CACNA1E: variants seen among roughly 807,000 people sequenced by gnomAD.
CACNA1E encodes the protein calcium voltage-gated channel subunit alpha1 E, also known as voltage-dependent R-type calcium channel subunit alpha-1E.
In CACNA1E, 40 loss-of-function variants were observed where a neutral mutation model predicts 259.2. That is an observed-to-expected ratio of 0.15 (90% CI 0.12 to 0.20). The LOEUF (loss-of-function observed/expected upper bound fraction) is 0.20. Ranked by LOEUF, CACNA1E falls within the 10% of genes least tolerant of loss-of-function variation. CACNA1E has a pLI of 1.00. For synonymous variants in CACNA1E, 1,104 were observed against 1,138.5 expected, an observed-to-expected ratio of 0.97 and a Z score of 0.61; for missense variants, 1,874 against 3,040.1, an observed-to-expected ratio of 0.62 and a Z score of 9.02.
chr1:181,755,412 C>T lies in CACNA1E; in HGVS notation c.3989+15C>T, dbSNP rs747095236. 3.5e-5 allele frequency: 56 copies of T among 1,609,552 alleles called. No individual in the cohort carries two copies. The highest frequency in any genetic ancestry group is 2.1e-4 in the South Asian group (19 of 90,622). On this transcript the variant is annotated intron_variant, in intron 28 of 47. Transcript: ENST00000367573. ...AAGGAGTGCATGTAAGTGCCACCAGCGCATTCCACTTGATTTTGCTGAAGC... is the reference window on the plus strand; with the variant it reads ...AAGGAGTGCATGTAAGTGCCACCAGTGCATTCCACTTGATTTTGCTGAAGC...
intron 1 of CACNA1E, among the ~76,000 whole-genome samples, chr1:181,493,246 G>C (rs1373983214): frequency 3.9e-5 from 6 of 152,186 alleles, no homozygotes; most frequent in Non-Finnish European, 7.4e-5. Context: ...GGGCTATCAG[G>C]AGTAGTGATT....
chr1:181,608,240 G>A (rs1343124407), intron 6 of CACNA1E, among the ~76,000 whole-genome samples: 1 of 152,156 alleles, frequency 6.6e-6, no homozygotes, highest in Non-Finnish European at 1.5e-5. Flanking sequence ...AGAATAACCA[G>A]TGTGGATGGG....
intron 41 of CACNA1E, 135 bp downstream of exon 41, chr1:181,784,903 A>C (rs539974544): frequency 1.9e-5 from 12 of 624,400 alleles, no homozygotes; most frequent in Non-Finnish European, 3.1e-5. Flanking sequence ...AAAGGGACTT[A>C]AGGATAAAAC....
At chr1:181,526,968 T>G (rs1447013320) in intron 3 of CACNA1E, among the ~76,000 whole-genome samples, 1 of 152,240 alleles carries the variant, frequency 6.6e-6, no homozygotes, top group Non-Finnish European at 1.5e-5. Flanking sequence ...ATATATTCTC[T>G]GGGTTACTCT....
At chr1:181,763,671 A>G in intron 34 of CACNA1E, 140 bp downstream of exon 34, 2 of 518,366 alleles carry the variant, frequency 3.9e-6, no homozygotes, top group Non-Finnish European at 3.2e-6. Context: ...AGCATTCAGT[A>G]AATACTGCAA....
chr1:181,412,656 G>A (rs372691468), intron 1 of CACNA1E, among the ~76,000 whole-genome samples: 2 of 152,138 alleles, frequency 1.3e-5, no homozygotes, highest in Non-Finnish European at 2.9e-5. Context: ...AATCCCCCCA[G>A]AGTGGGCCCT....
chr1:181,426,675 C>CTT, intron 2 of CACNA1E, among the ~76,000 whole-genome samples: 1 of 142,376 alleles, frequency 7.0e-6, no homozygotes, highest in Non-Finnish European at 1.5e-5. Context: ...CTTTACAATT[C>CTT]AACCCCTTCA....
intron 3 of CACNA1E, among the ~76,000 whole-genome samples, chr1:181,567,058 G>C (rs1347368062): frequency 6.6e-6 from 1 of 152,178 alleles, no homozygotes; most frequent in Admixed American, 6.5e-5. Context: ...TCTTCTTAGT[G>C]TGGTGGTTTT....
chr1:181,731,298 C>A, intron 19 of CACNA1E, 67 bp downstream of exon 19: 1 of 1,294,576 alleles, frequency 7.7e-7, no homozygotes, highest in Non-Finnish European at 1.1e-6. Flanking sequence ...GTGTCATTGT[C>A]CTTGCCATAG....
At chr1:181,694,937 A>G (rs952004255) in intron 7 of CACNA1E, among the ~76,000 whole-genome samples, 9 of 152,148 alleles carry the variant, frequency 5.9e-5, no homozygotes, top group African/African-American at 2.2e-4. Flanking sequence ...ATAAAAACCA[A>G]TTTTTTCACA....
intron 38 of CACNA1E, among the ~76,000 whole-genome samples, chr1:181,778,226 G>A (rs61177354): frequency 0.021 from 3,222 of 152,224 alleles, 80 homozygotes; most frequent in African/African-American, 0.062. Context: ...TCTTCAAAAG[G>A]GGGGCTGAAA....
intron 1 of CACNA1E, among the ~76,000 whole-genome samples, chr1:181,322,945 A>G (rs1252669797): frequency 5.3e-5 from 8 of 152,368 alleles, no homozygotes; most frequent in African/African-American, 1.9e-4. Context: ...TGTCTTGGGC[A>G]CAACTGCGTA....
rs1477896949 is a variant in CACNA1E at position 181,785,465 on chromosome 1, G to A, written c.5679+47G>A. Reference sequence around the variant, plus strand: ...CTAAGTGGGTGGGCCATGAGGAGTTGCAGGAGGGAATAGGCCTGTGCCTCC... The same window carrying A: ...CTAAGTGGGTGGGCCATGAGGAGTTACAGGAGGGAATAGGCCTGTGCCTCC... On this transcript the variant is annotated intron_variant, in intron 42 of 47. Transcript: ENST00000367573. 7.6e-6 allele frequency: 10 copies of A among 1,324,316 alleles called. No homozygotes were observed. In the Admixed American group the frequency reaches 1.8e-4, roughly 24 times the overall value. 82.0% of individuals were successfully genotyped at this position (1,324,316 alleles called of 1,614,324 possible). A position where few individuals can be genotyped will look rare whatever the true frequency, so the allele number is the denominator to read the frequency against.
chr1:181,685,810 A>G (rs1213492921), intron 7 of CACNA1E, among the ~76,000 whole-genome samples: 1 of 152,156 alleles, frequency 6.6e-6, no homozygotes, highest in Non-Finnish European at 1.5e-5. Flanking sequence ...GTTTCTCAAT[A>G]CTTACTCATT....
intron 1 of CACNA1E, among the ~76,000 whole-genome samples, chr1:181,378,243 A>G (rs1375858201): frequency 6.6e-6 from 1 of 152,262 alleles, no homozygotes; most frequent in Non-Finnish European, 1.5e-5. Flanking sequence ...AAAGGACCAT[A>G]TTGAACTTCC....
intron 3 of CACNA1E, among the ~76,000 whole-genome samples, chr1:181,532,065 A>T (rs1667829979): frequency 6.6e-6 from 1 of 152,122 alleles, no homozygotes; most frequent in African/African-American, 2.4e-5. Context: ...CAAAAAAAAG[A>T]AAAGAAAAGA....
chr1:181,796,592 T>C, intron 46 of CACNA1E, 76 bp from the exon 47 acceptor site: 1 of 1,128,636 alleles, frequency 8.9e-7, no homozygotes, highest in Non-Finnish European at 1.2e-6. Flanking sequence ...GATGTGATAC[T>C]TGGAGAGAAG....
In CACNA1E at chr1:181,790,354, G is replaced by A. The variant is rs532988380; in HGVS notation, c.5787-91G>A. The A allele has an allele frequency of 1.5e-4, 99 of 682,114 alleles. No homozygotes were observed. In the African/African-American group the frequency reaches 1.7e-3, roughly 12 times the overall value. 42.3% of individuals were successfully genotyped at this position (682,114 alleles called of 1,614,324 possible). ...TAAGTTACTAGGTTTACAAAAGCCA[G>A]CCAAGGCTAAAGGGTGTTGCCCTGC... On this transcript the variant is annotated intron_variant, in intron 43 of 47. Coordinates refer to ENST00000367573, the MANE Select transcript of CACNA1E (RefSeq NM_001205293.3).
At chr1:181,743,956 C>T (rs1572770547) in intron 25 of CACNA1E, among the ~76,000 whole-genome samples, 1 of 152,274 alleles carries the variant, frequency 6.6e-6, no homozygotes, top group East Asian at 1.9e-4. Flanking sequence ...TCTCTGGCGG[C>T]TGACGCCAAA....
Sources: allele counts gnomAD v4.1 joint callset (sites outside exome capture counted in the v4.1 genomes callset), GRCh38; gene constraint gnomAD v4.1.1; transcripts MANE v1.5; gene names NCBI Gene and HGNC (gene_info 2026-07-23, HGNC 2026-07-21).